TNS3: variants seen among roughly 807,000 people sequenced by gnomAD.
TNS3 encodes the protein tensin 3.
Under a neutral mutation model 140.9 loss-of-function variants are expected in TNS3, and 45 were observed. The ratio of observed to expected loss-of-function variants is 0.32; its 90% CI spans 0.25 to 0.41. The LOEUF (loss-of-function observed/expected upper bound fraction) is 0.41, where lower values mean the gene tolerates loss of function less well. Ranked by LOEUF, TNS3 falls within the 10% of genes least tolerant of loss-of-function variation. The probability of loss-of-function intolerance (pLI) is 1.00; values close to 1 mark genes in which losing one functional copy is unlikely to be tolerated. For missense variants in TNS3, 1,716 were observed against 1,906.7 expected (o/e 0.90, Z 1.86); for synonymous variants, 815 against 788.4 (o/e 1.03, Z -0.56).
In TNS3 at chr7:47,303,305, C is replaced by A. The variant is rs749149823; in HGVS notation, c.3102G>T (p.Glu1034Asp). The A allele has an allele frequency of 1.2e-6, 2 of 1,613,510 alleles. No individual in the cohort carries two copies. Among genetic ancestry groups the A allele is most frequent in the East Asian group, 4.5e-5 (2 of 44,850 alleles). The change falls in exon 22 of 31, where the codon GAG (glutamate) becomes GAT (aspartate). Residue 1034 changes from glutamate to aspartate, a missense_variant. Around this residue, in one of 3 missense-constraint regions of TNS3, gnomAD observed 1,163 missense variants for 1,182.1 expected, o/e 0.98. Coordinates refer to ENST00000311160, the MANE Select transcript of TNS3 (RefSeq NM_022748.12). ...TGGCCAGCAAGGCCCCCAGGTCCTC[C>A]TCGGGCGGAAGGCCACTTCCCACTG... The part of the protein sequence containing the change: ...TAPVGSGLPP[E>D]EDLGALLANS...
At chr7:47,565,517 C>T (rs1389859416) in intron 1 of TNS3, among the ~76,000 whole-genome samples, 1 of 152,038 alleles carries the variant, frequency 6.6e-6, no homozygotes, top group Non-Finnish European at 1.5e-5. Context: ...CAGGCGCACA[C>T]CATATGCCCA....
At chr7:47,532,918 A>G (rs1272896712) in intron 1 of TNS3, among the ~76,000 whole-genome samples, 1 of 151,966 alleles carries the variant, frequency 6.6e-6, no homozygotes, top group East Asian at 1.9e-4. Flanking sequence ...ATAAAATGAA[A>G]TAATAAAAAT....
intron 1 of TNS3, among the ~76,000 whole-genome samples, chr7:47,537,959 T>TCACCG (rs1799663447): frequency 7.2e-6 from 1 of 139,256 alleles, no homozygotes; most frequent in Non-Finnish European, 1.5e-5. Context: ...TATCCCTCCC[T>TCACCG]CACCGCACCC....
At chr7:47,424,358 C>T (rs1794536716) in intron 9 of TNS3, among the ~76,000 whole-genome samples, 174 bp from the exon 10 acceptor site, 1 of 152,166 alleles carries the variant, frequency 6.6e-6, no homozygotes, top group South Asian at 2.1e-4. Flanking sequence ...ACTTCATTTC[C>T]CCCGCAGGAA....
chr7:47,574,647 ACC>A (rs796845771), intron 1 of TNS3, among the ~76,000 whole-genome samples: 11 of 146,756 alleles, frequency 7.5e-5, no homozygotes, highest in African/African-American at 3.0e-4. Flanking sequence ...ACACACACAC[ACC>A]CCCACACACA....
chr7:47,392,754 C>A (rs1238176138), intron 16 of TNS3, among the ~76,000 whole-genome samples: 2 of 152,238 alleles, frequency 1.3e-5, no homozygotes, highest in Admixed American at 1.3e-4. Context: ...TGCAGCACAC[C>A]GGCCTCCATG....
intron 17 of TNS3, among the ~76,000 whole-genome samples, chr7:47,362,380 G>A (rs1477009097): frequency 1.3e-5 from 2 of 152,188 alleles, no homozygotes; most frequent in African/African-American, 2.4e-5. Flanking sequence ...ACTCTACACT[G>A]TCCAGCGATA....
chr7:47,539,432 C>T (rs869143037), intron 1 of TNS3: 2 of 318,314 alleles, frequency 6.3e-6, no homozygotes, highest in Admixed American at 8.4e-5. Context: ...AGTGCTCAAT[C>T]CTAAGGCGAA....
intron 3 of TNS3, among the ~76,000 whole-genome samples, chr7:47,493,686 G>A (rs1418867184): frequency 2.0e-5 from 3 of 151,576 alleles, no homozygotes; most frequent in Non-Finnish European, 4.4e-5. Context: ...AAAATAGCCG[G>A]GCATGGTGGC....
chr7:47,463,722 T>C (rs1006861896), intron 4 of TNS3, among the ~76,000 whole-genome samples: 1 of 152,078 alleles, frequency 6.6e-6, no homozygotes, highest in African/African-American at 2.4e-5. Flanking sequence ...CTTTGCTTTG[T>C]TCAGTGTCAG....
chr7:47,547,937 G>A (rs531341692), intron 1 of TNS3, among the ~76,000 whole-genome samples: 1 of 152,306 alleles, frequency 6.6e-6, no homozygotes, highest in East Asian at 1.9e-4. Context: ...GTCTCACTCT[G>A]TCGCCCAGGC....
chr7:47,432,995 A>C (rs549172733), intron 8 of TNS3, among the ~76,000 whole-genome samples: 13 of 152,338 alleles, frequency 8.5e-5, no homozygotes, highest in South Asian at 8.3e-4. Context: ...GGTGTGGATG[A>C]AATCTCCCAA....
chr7:47,544,530 C>T (rs1262599097), intron 1 of TNS3, among the ~76,000 whole-genome samples: 2 of 152,116 alleles, frequency 1.3e-5, no homozygotes, highest in Admixed American at 6.6e-5. Context: ...CCCATTCTGC[C>T]ATGGGAGGAC....
At chr7:47,430,116 C>A (rs1373404492) in intron 8 of TNS3, among the ~76,000 whole-genome samples, 1 of 143,536 alleles carries the variant, frequency 7.0e-6, no homozygotes, top group African/African-American at 2.6e-5. Context: ...TATTTCTTTT[C>A]TTTTCTTTTC....
intron 1 of TNS3, among the ~76,000 whole-genome samples, chr7:47,541,662 A>G (rs1799791101): frequency 6.6e-6 from 1 of 152,086 alleles, no homozygotes; most frequent in African/African-American, 2.4e-5. Context: ...GAAGCAAATG[A>G]CCGAGGCCGG....
chr7:47,364,142 T>C (rs1790556448), intron 17 of TNS3, among the ~76,000 whole-genome samples: 1 of 152,074 alleles, frequency 6.6e-6, no homozygotes, highest in East Asian at 1.9e-4. Context: ...CCATTTCCTA[T>C]TGAGAAATGT....
At chr7:47,541,445 A>C (rs538140098) in intron 1 of TNS3, among the ~76,000 whole-genome samples, 1 of 152,316 alleles carries the variant, frequency 6.6e-6, no homozygotes, top group African/African-American at 2.4e-5. Context: ...TCACCCCCCA[A>C]TGAGCCTGAA....
chr7:47,574,517 G>C (rs1015545772), intron 1 of TNS3, among the ~76,000 whole-genome samples: 1 of 151,926 alleles, frequency 6.6e-6, no homozygotes, highest in Non-Finnish European at 1.5e-5. Context: ...TGGAAAGCAG[G>C]GACTTATACA....
intron 20 of TNS3, among the ~76,000 whole-genome samples, chr7:47,313,871 A>G (rs760590313): frequency 2.0e-5 from 3 of 152,224 alleles, no homozygotes; most frequent in African/African-American, 4.8e-5. Flanking sequence ...TTATCATTCA[A>G]TTAGCACCAA....
Sources: gnomAD v4.1 joint callset for allele counts (sites outside exome capture counted in the v4.1 genomes callset) on GRCh38, gnomAD v4.1.1 for gene constraint, gnomAD v4.1.1 regional missense constraint, MANE v1.5 for transcripts, NCBI Gene and HGNC (gene_info 2026-07-23, HGNC 2026-07-21) for gene names.